Variants in SPATA17 observed in about 807,000 individuals in gnomAD.
SPATA17 encodes spermatogenesis-associated protein 17.
A neutral mutation model predicts 62.2 loss-of-function variants in SPATA17; 53 were observed. That is an observed-to-expected ratio of 0.85 (90% CI 0.68 to 1.07). The LOEUF (loss-of-function observed/expected upper bound fraction) is 1.07. Among genes scored for constraint, SPATA17 ranks in the 50% least tolerant of loss-of-function variants. The probability of loss-of-function intolerance (pLI) is 0.00; values close to 1 mark genes in which losing one functional copy is unlikely to be tolerated. For missense variants in SPATA17, 466 were observed against 425.5 expected (o/e 1.10, Z -0.84); for synonymous variants, 146 against 146.8 (o/e 0.99, Z 0.04).
At chr1:217,713,022 C>A (rs953314522) in intron 5 of SPATA17, among the ~76,000 whole-genome samples, 1 of 152,098 alleles carries the variant, frequency 6.6e-6, no homozygotes. Flanking sequence ...TGAAGAAATA[C>A]CCCTAATTTC....
chr1:217,808,381 A>AC (rs61294567), intron 9 of SPATA17, among the ~76,000 whole-genome samples: 6 of 67,516 alleles, frequency 8.9e-5, no homozygotes, highest in Admixed American at 1.6e-4. Flanking sequence ...ACACACACAC[A>AC]CCCCCCTCAG....
At chr1:217,787,826 T>TTTGGTTAC (rs1267686131) in intron 8 of SPATA17, among the ~76,000 whole-genome samples, 1 of 152,182 alleles carries the variant, frequency 6.6e-6, no homozygotes, top group East Asian at 1.9e-4. Flanking sequence ...CATGTGCAAT[T>TTTGGTTAC]ATATGTATAT....
rs114534906 is a variant in SPATA17 at position 217,803,574 on chromosome 1, A to G, written c.1005+1724A>G. Among the ~76,000 whole-genome samples the G allele has an allele frequency of 1.3e-3, 193 of 152,340 alleles. 2 individuals carry two copies. Among genetic ancestry groups the G allele is most frequent in the African/African-American group, 3.9e-3 (164 of 41,572 alleles). ...AAACTATAAAATACTGATGATATAA[A>G]TTAAAGAAGACACAAATAAATGGAA... On this transcript the variant is annotated intron_variant, in intron 9 of 10. Coordinates refer to ENST00000366933, the MANE Select transcript of SPATA17 (RefSeq NM_138796.4).
At chr1:217,667,121 C>T (rs529676926) in intron 3 of SPATA17, among the ~76,000 whole-genome samples, 1 of 142,800 alleles carries the variant, frequency 7.0e-6, no homozygotes, top group East Asian at 2.1e-4. Flanking sequence ...GATCTTGGCT[C>T]ACTGCAACCT....
intron 9 of SPATA17, among the ~76,000 whole-genome samples, chr1:217,833,863 G>T (rs1239452365): frequency 6.6e-6 from 1 of 152,096 alleles, no homozygotes; most frequent in Non-Finnish European, 1.5e-5. Context: ...TAACCATTTT[G>T]TACAACAATG....
At chr1:217,852,692 A>G (rs1030737822) in intron 9 of SPATA17, among the ~76,000 whole-genome samples, 2 of 152,170 alleles carry the variant, frequency 1.3e-5, no homozygotes, top group Admixed American at 6.5e-5. Flanking sequence ...CCAAAAAATC[A>G]TAGAGCAAAT....
In SPATA17 at chr1:217,782,210, C is replaced by A; in HGVS notation, c.760C>A (p.Arg254Ser). 6.2e-7 allele frequency: 1 copy of A among 1,609,738 alleles called. No homozygotes were observed. Among genetic ancestry groups the A allele is most frequent in the East Asian group, 2.2e-5 (1 of 44,710 alleles). The change falls in exon 8 of 11, where the codon CGC becomes AGC. Residue 254 changes from arginine (R) to serine (S), a missense_variant. Physicochemically the swap from Arg to Ser is moderately radical, Grantham distance 110. Transcript: ENST00000366933. ...AGATATCACCGAAGTATTAGAACAA[C>A]GCTACAGGCCTTTGGAGCCAACGTT... Reference protein sequence around the residue: ...FRDITEVLEQRYRPLEPTLRV... With the variant: ...FRDITEVLEQSYRPLEPTLRV...
intron 3 of SPATA17, among the ~76,000 whole-genome samples, chr1:217,667,202 T>C (rs1670719307): frequency 1.3e-5 from 2 of 151,656 alleles, no homozygotes; most frequent in Non-Finnish European, 2.9e-5. Flanking sequence ...CGCCTGCCAC[T>C]ACGCCCAGCT....
intron 9 of SPATA17, among the ~76,000 whole-genome samples, chr1:217,847,045 C>T (rs1219440010): frequency 1.3e-5 from 2 of 151,908 alleles, no homozygotes; most frequent in African/African-American, 4.8e-5. Context: ...TTGAATTTCA[C>T]TTTATTCAAG....
At chr1:217,726,281 A>G (rs1672255427) in intron 5 of SPATA17, among the ~76,000 whole-genome samples, 1 of 152,180 alleles carries the variant, frequency 6.6e-6, no homozygotes, top group Admixed American at 6.6e-5. Flanking sequence ...GTGAAGTTCT[A>G]CTGCTCATAA....
At chr1:217,766,303 T>A (rs1673298748) in intron 6 of SPATA17, among the ~76,000 whole-genome samples, 2 of 152,192 alleles carry the variant, frequency 1.3e-5, no homozygotes, top group South Asian at 4.1e-4. Context: ...CTGCATATTT[T>A]ATGATTCCAT....
chr1:217,642,033 T>C (rs983042036), intron 1 of SPATA17, among the ~76,000 whole-genome samples: 2 of 152,198 alleles, frequency 1.3e-5, no homozygotes, highest in African/African-American at 4.8e-5. Context: ...AATTTAGGTT[T>C]GTCTGATTTT....
chr1:217,674,602 G>T (rs1670905250), intron 4 of SPATA17, among the ~76,000 whole-genome samples: 1 of 152,238 alleles, frequency 6.6e-6, no homozygotes, highest in South Asian at 2.1e-4. Context: ...TGTTGCCCAA[G>T]GGGAACACGG....
At chr1:217,707,891 G>T (rs903167491) in intron 5 of SPATA17, among the ~76,000 whole-genome samples, 1 of 152,092 alleles carries the variant, frequency 6.6e-6, no homozygotes, top group African/African-American at 2.4e-5. Flanking sequence ...AGAAATCCTT[G>T]TTAAGAAAAT....
At chr1:217,683,692 G>C (rs1015770908) in intron 5 of SPATA17, among the ~76,000 whole-genome samples, 1 of 151,980 alleles carries the variant, frequency 6.6e-6, no homozygotes, top group South Asian at 2.1e-4. Context: ...TGCCCGCCTC[G>C]GCCTCCCAAA....
rs568207714 is a variant in SPATA17 at position 217,773,596 on chromosome 1, A to G, written c.520-738A>G. On this transcript the variant is annotated intron_variant, in intron 6 of 10. Coordinates refer to ENST00000366933, the MANE Select transcript of SPATA17 (RefSeq NM_138796.4). ...CTTAACATTTGTCACACATACATCTATTGAAACTCTATTGTGTGGAAGGTA... is the reference window on the plus strand; with the variant it reads ...CTTAACATTTGTCACACATACATCTGTTGAAACTCTATTGTGTGGAAGGTA... Among the ~76,000 whole-genome samples the G allele has an allele frequency of 4.6e-5, 7 of 152,264 alleles. No homozygotes were observed. In the East Asian group the frequency reaches 1.2e-3, roughly 25 times the overall value.
intron 3 of SPATA17, among the ~76,000 whole-genome samples, chr1:217,664,697 A>G (rs536713657): frequency 1.2e-4 from 18 of 152,148 alleles, no homozygotes; most frequent in Non-Finnish European, 2.4e-4. Context: ...AACACCTAAA[A>G]GGAATAGACA....
chr1:217,842,972 A>G (rs1675444752), intron 9 of SPATA17, among the ~76,000 whole-genome samples: 1 of 151,334 alleles, frequency 6.6e-6, no homozygotes, highest in Non-Finnish European at 1.5e-5. Context: ...TTCTATATTG[A>G]CTCATATCTT....
intron 9 of SPATA17, among the ~76,000 whole-genome samples, chr1:217,860,861 C>A (rs546178969): frequency 6.6e-6 from 1 of 152,130 alleles, no homozygotes; most frequent in South Asian, 2.1e-4. Context: ...CAATATATAC[C>A]AAATTTGTAA....
Sources: allele counts gnomAD v4.1 joint callset (sites outside exome capture counted in the v4.1 genomes callset), GRCh38; gene constraint gnomAD v4.1.1; transcripts MANE v1.5; gene names NCBI Gene and HGNC (gene_info 2026-07-23, HGNC 2026-07-21).